NKAIN3: variants seen among roughly 807,000 people sequenced by gnomAD.
The protein encoded by NKAIN3 is sodium/potassium-transporting ATPase subunit beta-1-interacting protein 3.
NKAIN3 carries 25 observed loss-of-function variants against 30.2 expected under a neutral mutation model. The observed-to-expected ratio is 0.83, with a 90% CI of 0.60 to 1.16. The LOEUF is 1.16. NKAIN3 is among the 50% of genes most tolerant of loss of function. NKAIN3 has a pLI of 0.00. For missense variants in NKAIN3, 225 were observed against 254.1 expected, an observed-to-expected ratio of 0.89 and a Z score of 0.78; for synonymous variants, 91 against 89.6, an observed-to-expected ratio of 1.02 and a Z score of -0.09.
chr8:62,818,113 C>CACAA (rs1246982300), intron 4 of NKAIN3, among the ~76,000 whole-genome samples: 1 of 152,054 alleles, frequency 6.6e-6, no homozygotes, highest in Non-Finnish European at 1.5e-5. Flanking sequence ...TACATACACA[C>CACAA]ACAAACACAA....
chr8:62,826,643 A>G (rs978542137), intron 4 of NKAIN3, among the ~76,000 whole-genome samples: 10 of 152,230 alleles, frequency 6.6e-5, no homozygotes. Flanking sequence ...AATAACAGGC[A>G]CTGATTGCTC....
At chr8:62,411,645 T>A (rs1442137031) in intron 1 of NKAIN3, among the ~76,000 whole-genome samples, 1 of 152,182 alleles carries the variant, frequency 6.6e-6, no homozygotes, top group Non-Finnish European at 1.5e-5. Context: ...TGATTTTATA[T>A]CTGGAAAACC....
intron 1 of NKAIN3, among the ~76,000 whole-genome samples, chr8:62,439,413 G>A (rs1054324541): frequency 6.6e-6 from 1 of 152,126 alleles, no homozygotes; most frequent in Admixed American, 6.6e-5. Context: ...ATGCTTTTCT[G>A]TCTTAAAAAG....
chr8:62,409,389 G>T (rs918840556), intron 1 of NKAIN3, among the ~76,000 whole-genome samples: 1 of 152,006 alleles, frequency 6.6e-6, no homozygotes, highest in Non-Finnish European at 1.5e-5. Flanking sequence ...TCACCATGTT[G>T]GTCAGGCTGG....
At chr8:62,592,969 G>A (rs1007239717) in intron 3 of NKAIN3, among the ~76,000 whole-genome samples, 2 of 151,882 alleles carry the variant, frequency 1.3e-5, no homozygotes, top group South Asian at 4.2e-4. Flanking sequence ...CAATATTAAA[G>A]GGGGAAATTG....
At chr8:62,822,993 T>G (rs573717837) in intron 4 of NKAIN3, among the ~76,000 whole-genome samples, 7 of 152,184 alleles carry the variant, frequency 4.6e-5, no homozygotes, top group Non-Finnish European at 7.4e-5. Flanking sequence ...ACAGGTACAG[T>G]AAAAATGTAG....
At chr8:62,595,292 G>A (rs1169478515) in intron 3 of NKAIN3, among the ~76,000 whole-genome samples, 1 of 151,360 alleles carries the variant, frequency 6.6e-6, no homozygotes, top group African/African-American at 2.4e-5. Context: ...TCTCCAAAAA[G>A]CATACCATTA....
At chr8:62,545,114 A>G (rs1808965394) in intron 1 of NKAIN3, among the ~76,000 whole-genome samples, 1 of 152,184 alleles carries the variant, frequency 6.6e-6, no homozygotes, top group Non-Finnish European at 1.5e-5. Flanking sequence ...ATGCAGCTCA[A>G]ACCCATGTTG....
intron 4 of NKAIN3, among the ~76,000 whole-genome samples, chr8:62,804,445 A>G (rs1233490227): frequency 6.6e-6 from 1 of 152,234 alleles, no homozygotes; most frequent in Non-Finnish European, 1.5e-5. Flanking sequence ...CAAAAAGTTT[A>G]TCCACCACGA....
intron 1 of NKAIN3, among the ~76,000 whole-genome samples, chr8:62,478,289 A>G (rs987955797): frequency 2.6e-5 from 4 of 152,344 alleles, no homozygotes; most frequent in African/African-American, 9.6e-5. Flanking sequence ...AAGGTGACAC[A>G]GGTCCAGAAT....
intron 1 of NKAIN3, among the ~76,000 whole-genome samples, chr8:62,420,726 G>T (rs1804610104): frequency 6.6e-6 from 1 of 152,058 alleles, no homozygotes; most frequent in African/African-American, 2.4e-5. Context: ...ATTTCAAGAA[G>T]AAATAAATAA....
chr8:62,721,364 T>G (rs1050182666), intron 3 of NKAIN3, among the ~76,000 whole-genome samples: 4 of 152,212 alleles, frequency 2.6e-5, no homozygotes, highest in African/African-American at 9.7e-5. Flanking sequence ...AGCAGGTAAG[T>G]GAAAATTAAA....
chr8:62,477,292 T>C (rs1024567539), intron 1 of NKAIN3, among the ~76,000 whole-genome samples: 1 of 152,166 alleles, frequency 6.6e-6, no homozygotes, highest in Non-Finnish European at 1.5e-5. Context: ...GCATGTTTTT[T>C]GGAGCCCTTT....
intron 1 of NKAIN3, among the ~76,000 whole-genome samples, chr8:62,506,204 T>C (rs1452116295): frequency 7.3e-6 from 1 of 137,306 alleles, no homozygotes; most frequent in Non-Finnish European, 1.6e-5. Flanking sequence ...TATTTACAGG[T>C]TTCAGGGATC....
rs574986431 is a variant in NKAIN3, at chr8:62,391,560, G to A, written c.54+142433G>A. ...ATATGGGCACAATGAAAGAAGAAGA[G>A]AAAAGATACATAGAAATGGAATAAA... On this transcript the variant is annotated intron_variant, in intron 1 of 6. Transcript: ENST00000623646. 1.5e-4 allele frequency among the ~76,000 whole-genome samples: 23 copies of A among 151,532 alleles called. No homozygotes were observed. The East Asian group carries it at 2.7e-3, about 18-fold the overall frequency.
At chr8:62,315,267 A>G (rs1814578763) in intron 1 of NKAIN3, among the ~76,000 whole-genome samples, 1 of 152,216 alleles carries the variant, frequency 6.6e-6, no homozygotes, top group Admixed American at 6.5e-5. Flanking sequence ...TCCAGAGTTC[A>G]ACTACAAGCA....
intron 1 of NKAIN3, among the ~76,000 whole-genome samples, chr8:62,358,907 C>T (rs925784060): frequency 2.0e-5 from 3 of 152,126 alleles, no homozygotes; most frequent in Non-Finnish European, 2.9e-5. Context: ...TATGGCCGGG[C>T]GCGGTGGCTC....
At chr8:62,435,213 G>A (rs1805131488) in intron 1 of NKAIN3, among the ~76,000 whole-genome samples, 1 of 152,134 alleles carries the variant, frequency 6.6e-6, no homozygotes, top group Non-Finnish European at 1.5e-5. Flanking sequence ...CTGAAAGTGT[G>A]AGGACTTTAA....
chr8:62,633,922 A>G (rs1586032188), intron 3 of NKAIN3, among the ~76,000 whole-genome samples: 2 of 152,136 alleles, frequency 1.3e-5, no homozygotes, highest in Non-Finnish European at 1.5e-5. Context: ...GATGCGGGCA[A>G]TAAGGGTAGG....
Sources: allele counts gnomAD v4.1 joint callset (sites outside exome capture counted in the v4.1 genomes callset), GRCh38; gene constraint gnomAD v4.1.1; transcripts MANE v1.5; gene names NCBI Gene and HGNC (gene_info 2026-07-23, HGNC 2026-07-21).